Variants in SEL1L2 observed in about 807,000 individuals in gnomAD.
SEL1L2 encodes the protein protein sel-1 homolog 2.
Under a neutral mutation model 98.8 loss-of-function variants are expected in SEL1L2, and 89 were observed. The ratio of observed to expected loss-of-function variants is 0.90; its 90% CI spans 0.76 to 1.07. The LOEUF is 1.07. Among genes scored for constraint, SEL1L2 ranks in the 50% least tolerant of loss-of-function variants. The probability of loss-of-function intolerance (pLI) is 0.00; values close to 1 mark genes in which losing one functional copy is unlikely to be tolerated. For missense variants in SEL1L2, 788 were observed against 812.0 expected (o/e 0.97, Z 0.36); for synonymous variants, 262 against 278.5 (o/e 0.94, Z 0.59).
At chr20:13,971,389 T>C (rs1027544517) in intron 1 of SEL1L2, among the ~76,000 whole-genome samples, 5 of 152,168 alleles carry the variant, frequency 3.3e-5, no homozygotes, top group Admixed American at 2.6e-4. Context: ...CCTTAAACTA[T>C]TTTTATAGTT....
chr20:13,852,664 G>A (rs995193168), intron 18 of SEL1L2, among the ~76,000 whole-genome samples: 7 of 152,174 alleles, frequency 4.6e-5, no homozygotes, highest in Middle Eastern at 3.2e-3. Context: ...TATGTAAACC[G>A]AGCTGCAGAC....
chr20:13,991,809 A>G (rs922361596), upstream of SEL1L2, among the ~76,000 whole-genome samples: 5 of 152,124 alleles, frequency 3.3e-5, no homozygotes, highest in African/African-American at 1.2e-4. Flanking sequence ...GCTGACCACC[A>G]TGGCGAAACC....
intron 18 of SEL1L2, among the ~76,000 whole-genome samples, 154 bp downstream of exon 18, chr20:13,859,108 A>G (rs1225767266): frequency 6.6e-6 from 1 of 152,254 alleles, no homozygotes; most frequent in African/African-American, 2.4e-5. Context: ...AGGGTAAGTA[A>G]TATGTATTGG....
At chr20:13,916,297 G>A (rs1032368879) in intron 4 of SEL1L2, among the ~76,000 whole-genome samples, 2 of 152,182 alleles carry the variant, frequency 1.3e-5, no homozygotes, top group Non-Finnish European at 2.9e-5. Flanking sequence ...AGAGGAATGA[G>A]CGGGAATGAA....
At chr20:13,906,306 CAA>C (rs1306952703) in intron 5 of SEL1L2, among the ~76,000 whole-genome samples, 12 of 152,170 alleles carry the variant, frequency 7.9e-5, no homozygotes, top group Admixed American at 5.9e-4. Flanking sequence ...GTAAATTACT[CAA>C]GTTCCATAAT....
rs199650783 is a variant in SEL1L2, at chr20:13,849,597, G to A, written c.1955C>T (p.Thr652Met). 705 of 1,613,700 alleles carry A rather than the reference G, an allele frequency of 4.4e-4. 2 individuals are homozygous for A. The African/African-American group carries it at 6.6e-3, about 15-fold the overall frequency. The change falls in exon 20 of 20, where the codon ACG (threonine) becomes ATG (methionine). Residue 652 changes from threonine to methionine, a missense_variant. Physicochemically the swap from Thr to Met is moderately conservative, Grantham distance 81. Coordinates refer to ENST00000284951, the MANE Select transcript of SEL1L2 (RefSeq NM_025229.2). ...GTCCAGTTTCAGCCAGTTCCATCTCGTTGTGAACTGCTGGCAAGAGACATT... is the reference window on the plus strand; with the variant it reads ...GTCCAGTTTCAGCCAGTTCCATCTCATTGTGAACTGCTGGCAAGAGACATT... ...LRDILFFNFT[T>M]RWNWLKLDNT...
At chr20:13,991,241 T>A (rs141629510), upstream of SEL1L2, among the ~76,000 whole-genome samples, 1 of 152,216 alleles carries the variant, frequency 6.6e-6, no homozygotes, top group Admixed American at 6.5e-5. Context: ...GTTGAGAAAT[T>A]ATGCCTACAA....
At chr20:13,866,416 T>C (rs1203110960) in intron 15 of SEL1L2, among the ~76,000 whole-genome samples, 1 of 152,170 alleles carries the variant, frequency 6.6e-6, no homozygotes, top group Non-Finnish European at 1.5e-5. Flanking sequence ...CCTGGTGATT[T>C]GATTGAATGC....
At chr20:13,952,784 A>G (rs2050333231) in intron 2 of SEL1L2, among the ~76,000 whole-genome samples, 1 of 152,170 alleles carries the variant, frequency 6.6e-6, no homozygotes, top group South Asian at 2.1e-4. Context: ...TAATCCCAGC[A>G]CTTTGGGAGG....
intron 4 of SEL1L2, among the ~76,000 whole-genome samples, chr20:13,915,800 A>G (rs907721991): frequency 2.0e-5 from 3 of 152,142 alleles, no homozygotes; most frequent in Non-Finnish European, 2.9e-5. Context: ...TGCAATCCCC[A>G]AAAGGAAAAA....
At chr20:13,914,706 G>A (rs1028328118) in intron 4 of SEL1L2, among the ~76,000 whole-genome samples, 4 of 152,218 alleles carry the variant, frequency 2.6e-5, no homozygotes, top group Admixed American at 1.3e-4. Context: ...GGCATTGTGC[G>A]TGGTATAGAG....
At chr20:13,870,304 G>A in intron 12 of SEL1L2, 101 bp from the exon 13 acceptor site, 1 of 798,602 alleles carries the variant, frequency 1.3e-6, no homozygotes, top group East Asian at 2.5e-5. Context: ...CCCAGTAAGA[G>A]ATTAATCAAG....
In SEL1L2 at chr20:13,887,908, C is replaced by A. The variant is rs767193071; in HGVS notation, c.663+34G>T. 5.6e-6 allele frequency: 9 copies of A among 1,609,962 alleles called. No homozygotes were observed. In the Admixed American group the frequency reaches 1.2e-4, roughly 21 times the overall value. The stretch of plus-strand genomic sequence containing the variant: ...AAGACAATGCTGTATTTATGGCATA[C>A]AAATTTGGTTCCAAGAATATTTTGT... On this transcript the variant is annotated intron_variant, in intron 7 of 19. Coordinates refer to ENST00000284951, the MANE Select transcript of SEL1L2 (RefSeq NM_025229.2).
intron 18 of SEL1L2, among the ~76,000 whole-genome samples, chr20:13,855,593 T>C (rs536241617): frequency 6.6e-6 from 1 of 152,348 alleles, no homozygotes; most frequent in East Asian, 1.9e-4. Flanking sequence ...CATTCAGCAT[T>C]CCAAAGCGTA....
chr20:13,859,245 A>G lies in SEL1L2; in HGVS notation c.1818+17T>C. Reference sequence around the variant, plus strand: ...CAGCTGTCATTACTAGGTTTGAATTATTACCAGCAAAATTACCTTTGTGAT... The same window carrying G: ...CAGCTGTCATTACTAGGTTTGAATTGTTACCAGCAAAATTACCTTTGTGAT... On this transcript the variant is annotated intron_variant, in intron 18 of 19. Coordinates refer to ENST00000284951, the MANE Select transcript of SEL1L2 (RefSeq NM_025229.2). 1 of 1,611,664 alleles carries G rather than the reference A, an allele frequency of 6.2e-7. No individual in the cohort carries two copies.
chr20:13,985,652 T>A (rs556481801), intron 1 of SEL1L2, among the ~76,000 whole-genome samples: 3 of 152,350 alleles, frequency 2.0e-5, no homozygotes, highest in South Asian at 4.1e-4. Context: ...ATATCCCCAA[T>A]ACTCCTGGTG....
intron 1 of SEL1L2, among the ~76,000 whole-genome samples, chr20:13,973,678 G>T (rs2051389966): frequency 6.6e-6 from 1 of 152,114 alleles, no homozygotes; most frequent in Non-Finnish European, 1.5e-5. Context: ...ACTTATTTTT[G>T]ACTATCTACT....
intron 2 of SEL1L2, among the ~76,000 whole-genome samples, chr20:13,939,394 C>G (rs1166392252): frequency 6.6e-6 from 1 of 152,032 alleles, no homozygotes; most frequent in African/African-American, 2.4e-5. Flanking sequence ...AAATGTTTTA[C>G]TAGTAGAAAA....
At chr20:13,917,793 T>C (rs934483941) in intron 4 of SEL1L2, among the ~76,000 whole-genome samples, 6 of 112,592 alleles carry the variant, frequency 5.3e-5, no homozygotes, top group East Asian at 2.4e-4. Context: ...TTTCTTTTTT[T>C]TTTTTTTTTT....
Sources: gnomAD v4.1 joint callset for allele counts (sites outside exome capture counted in the v4.1 genomes callset) on GRCh38, gnomAD v4.1.1 for gene constraint, MANE v1.5 for transcripts, NCBI Gene and HGNC (gene_info 2026-07-23, HGNC 2026-07-21) for gene names.